Variants in ATP6V0D1 observed in about 807,000 individuals in gnomAD.
ATP6V0D1 encodes V-type proton ATPase subunit d 1.
ATP6V0D1 carries 13 observed loss-of-function variants against 39.0 expected under a neutral mutation model. That is an observed-to-expected ratio of 0.33 (90% CI 0.22 to 0.53). The LOEUF is 0.53. Ranked by LOEUF, ATP6V0D1 falls within the 20% of genes least tolerant of loss-of-function variation. The probability of loss-of-function intolerance (pLI) is 0.94; values close to 1 mark genes in which losing one functional copy is unlikely to be tolerated. For synonymous variants in ATP6V0D1, 191 were observed against 191.2 expected (o/e 1.00, Z 0.01); for missense variants, 272 against 470.9 (o/e 0.58, Z 3.91).
intron 1 of ATP6V0D1, among the ~76,000 whole-genome samples, chr16:67,469,342 G>C (rs934715104): frequency 6.6e-6 from 1 of 152,034 alleles, no homozygotes; most frequent in South Asian, 2.1e-4. Flanking sequence ...TAATAAAATC[G>C]GGCTAAAGTA....
At chr16:67,463,694 C>A (rs1386253680) in intron 1 of ATP6V0D1, among the ~76,000 whole-genome samples, 1 of 152,234 alleles carries the variant, frequency 6.6e-6, no homozygotes, top group African/African-American at 2.4e-5. Flanking sequence ...GAGGCTTGGT[C>A]CAGGCAAGAA....
At chr16:67,480,357 T>C (rs535086836) in intron 1 of ATP6V0D1, among the ~76,000 whole-genome samples, 4 of 152,042 alleles carry the variant, frequency 2.6e-5, no homozygotes, top group Non-Finnish European at 5.9e-5. Context: ...CAAATACTTG[T>C]ATATGAACTT....
intron 1 of ATP6V0D1, chr16:67,454,453 C>G (rs2041216235): frequency 1.3e-5 from 2 of 152,704 alleles, no homozygotes; most frequent in African/African-American, 4.8e-5. Context: ...GAAGGAGAGG[C>G]AGAGCAGAAG....
At chr16:67,462,475 C>T (rs1288989904) in intron 1 of ATP6V0D1, among the ~76,000 whole-genome samples, 1 of 152,200 alleles carries the variant, frequency 6.6e-6, no homozygotes, top group Non-Finnish European at 1.5e-5. Context: ...GTGGTCTGGC[C>T]TGGCCAGATG....
intron 4 of ATP6V0D1, chr16:67,440,005 G>A (rs1443924899): frequency 6.6e-6 from 1 of 152,370 alleles, no homozygotes; most frequent in Non-Finnish European, 1.5e-5. Flanking sequence ...GCGATAGAAA[G>A]AGACTCCGTC....
intron 1 of ATP6V0D1, among the ~76,000 whole-genome samples, chr16:67,466,253 G>C (rs2041328190): frequency 6.6e-6 from 1 of 151,376 alleles, no homozygotes; most frequent in Non-Finnish European, 1.5e-5. Flanking sequence ...GGCCAAGATG[G>C]GCAGATCACC....
chr16:67,468,980 T>TTCCTGTGG, intron 1 of ATP6V0D1, among the ~76,000 whole-genome samples: 1 of 152,332 alleles, frequency 6.6e-6, no homozygotes, highest in African/African-American at 2.4e-5. Context: ...CTGTGGGGAC[T>TTCCTGTGG]CTTACTGACT....
chr16:67,443,948 CCTT>C (rs1464910339), intron 3 of ATP6V0D1, among the ~76,000 whole-genome samples: 2 of 152,226 alleles, frequency 1.3e-5, no homozygotes, highest in Non-Finnish European at 2.9e-5. Context: ...ACACTTAATG[CCTT>C]CTCCTCGGCC....
intron 1 of ATP6V0D1, among the ~76,000 whole-genome samples, chr16:67,470,400 G>A (rs956660321): frequency 2.0e-5 from 3 of 152,184 alleles, no homozygotes; most frequent in African/African-American, 4.8e-5. Context: ...GAAGAGACAC[G>A]GCAGGAATCT....
chr16:67,442,452 T>G (rs1338786356), intron 4 of ATP6V0D1, among the ~76,000 whole-genome samples: 2 of 93,870 alleles, frequency 2.1e-5, no homozygotes, highest in African/African-American at 3.1e-4. Context: ...GGTCTCGGGC[T>G]TTTTTTTTTT....
At chr16:67,462,583 G>C (rs560109717) in intron 1 of ATP6V0D1, among the ~76,000 whole-genome samples, 1 of 152,312 alleles carries the variant, frequency 6.6e-6, no homozygotes, top group South Asian at 2.1e-4. Context: ...CCAGCGTTTT[G>C]GGAGACCAAG....
At chr16:67,466,020 G>A (rs112552837) in intron 1 of ATP6V0D1, among the ~76,000 whole-genome samples, 51 of 152,238 alleles carry the variant, frequency 3.4e-4, no homozygotes, top group South Asian at 6.2e-4. Context: ...TGTCCACAGC[G>A]AGGGGCCCCT....
chr16:67,470,072 C>T (rs1315663255), intron 1 of ATP6V0D1, among the ~76,000 whole-genome samples: 1 of 152,170 alleles, frequency 6.6e-6, no homozygotes, highest in African/African-American at 2.4e-5. Flanking sequence ...TAAGAATAGA[C>T]CATGGTTTAC....
chr16:67,466,511 A>G lies in ATP6V0D1; in HGVS notation c.131-12796T>C, dbSNP rs370423503. ...GCCATTGCACTCCAGCCTGGGCAACAAGAATAAAACTCTGTCTCAAAAAAA... is the reference window on the plus strand; with the variant it reads ...GCCATTGCACTCCAGCCTGGGCAACGAGAATAAAACTCTGTCTCAAAAAAA... On this transcript the variant is annotated intron_variant, in intron 1 of 7. Coordinates refer to ENST00000290949, the MANE Select transcript of ATP6V0D1 (RefSeq NM_004691.5). 2.7e-5 allele frequency among the ~76,000 whole-genome samples: 4 copies of G among 150,342 alleles called. No homozygotes were observed. The South Asian group carries it at 8.4e-4, about 32-fold the overall frequency.
At chr16:67,439,509 A>C (rs955600666) in intron 4 of ATP6V0D1, 158 bp from the exon 5 acceptor site, 1 of 664,858 alleles carries the variant, frequency 1.5e-6, no homozygotes, top group Non-Finnish European at 2.6e-6. Flanking sequence ...CAGCAAAGCC[A>C]ATGAAACACT....
chr16:67,466,747 T>A (rs2041333936), intron 1 of ATP6V0D1, among the ~76,000 whole-genome samples: 2 of 150,898 alleles, frequency 1.3e-5, no homozygotes, highest in Non-Finnish European at 3.0e-5. Context: ...CAGTGAGCCA[T>A]GATGGAGCCA....
At chr16:67,472,273 C>T (rs987428591) in intron 1 of ATP6V0D1, among the ~76,000 whole-genome samples, 1 of 152,200 alleles carries the variant, frequency 6.6e-6, no homozygotes, top group African/African-American at 2.4e-5. Context: ...AAACTTCAGG[C>T]TTGTGTGGGG....
At chr16:67,442,696 C>A (rs1056582604) in intron 4 of ATP6V0D1, among the ~76,000 whole-genome samples, 4 of 152,120 alleles carry the variant, frequency 2.6e-5, no homozygotes, top group Non-Finnish European at 5.9e-5. Flanking sequence ...TCCCTCCCCC[C>A]ACCATAAGTG....
chr16:67,465,566 G>A (rs1035775525), intron 1 of ATP6V0D1, among the ~76,000 whole-genome samples: 1 of 152,222 alleles, frequency 6.6e-6, no homozygotes, highest in African/African-American at 2.4e-5. Flanking sequence ...AGACCCATGG[G>A]TTCATAGCAC....
Sources: gnomAD v4.1 joint callset for allele counts (sites outside exome capture counted in the v4.1 genomes callset) on GRCh38, gnomAD v4.1.1 for gene constraint, MANE v1.5 for transcripts, NCBI Gene and HGNC (gene_info 2026-07-23, HGNC 2026-07-21) for gene names.